Variants in MYO5B observed in about 807,000 individuals in gnomAD.
MYO5B encodes myosin VB, also known as unconventional myosin-Vb.
In MYO5B, 143 loss-of-function variants were observed where a neutral mutation model predicts 229.3. The observed-to-expected ratio is 0.62, with a 90% CI of 0.54 to 0.72. The LOEUF is 0.72. MYO5B is among the 30% of genes least tolerant of loss of function. The pLI, the probability that MYO5B is intolerant of heterozygous loss-of-function variation, is 0.00. For missense variants in MYO5B, 2,321 were observed against 2,331.0 expected, an observed-to-expected ratio of 1.00 and a Z score of 0.09; for synonymous variants, 918 against 885.2, an observed-to-expected ratio of 1.04 and a Z score of -0.66.
In MYO5B at chr18:49,839,226, G is replaced by A; in HGVS notation, c.4770C>T (p.Tyr1590=). Residue 1590 remains tyrosine (Y), a synonymous_variant, in exon 36 of 40, where the codon TAC becomes TAT. Transcript: ENST00000285039. ...HCLKNFDLTE[Y]RQVLSDLSIQ... is the part of the protein sequence containing the mutation. ...TGGAAAGGTCACTCAGCACCTGACG[G>A]TATTCGGTGAGGTCAAAATTCTTAA... The A allele has an allele frequency of 1.9e-6, 3 of 1,614,188 alleles. No homozygotes were observed. Among genetic ancestry groups the A allele is most frequent in the Non-Finnish European group, 2.5e-6 (3 of 1,180,022 alleles).
At position 50,194,522 on chromosome 18, in the gene MYO5B, GC is replaced by G. The variant is rs2033272391; in HGVS notation, c.27+244del. Among the ~76,000 whole-genome samples the G allele has an allele frequency of 2.0e-5, 3 of 152,224 alleles. No homozygotes were observed. The South Asian group carries it at 6.2e-4, about 31-fold the overall frequency. On this transcript the variant is annotated intron_variant, in intron 1 of 39. Transcript: ENST00000285039. ...GGCGACAGCCCTGGCTTGGTGCTGA[GC>G]CGTGGCGCTGCGGAACCTCTAGGAG...
At position 49,974,722 on chromosome 18, in the gene MYO5B, G is replaced by A. The variant is rs965467132; in HGVS notation, c.1057-107C>T. On this transcript the variant is annotated intron_variant, in intron 9 of 39. Coordinates refer to ENST00000285039, the MANE Select transcript of MYO5B (RefSeq NM_001080467.3). ...AGAGGGAAAACAAGCCAAACTCAAGGCCTCCCAGCCCTCCAGAATCCCAGC... is the reference window on the plus strand; with the variant it reads ...AGAGGGAAAACAAGCCAAACTCAAGACCTCCCAGCCCTCCAGAATCCCAGC... 8 of 1,337,102 alleles carry A rather than the reference G, an allele frequency of 6.0e-6. No individual in the cohort carries two copies. In the African/African-American group the frequency reaches 1.2e-4, roughly 19 times the overall value. 82.8% of individuals were successfully genotyped at this position (1,337,102 alleles called of 1,614,324 possible).
intron 1 of MYO5B, among the ~76,000 whole-genome samples, chr18:50,151,252 C>G (rs970515218): frequency 6.6e-6 from 1 of 152,204 alleles, no homozygotes; most frequent in African/African-American, 2.4e-5. Context: ...AGCAGCTAGT[C>G]TGAAATTCCA....
intron 1 of MYO5B, among the ~76,000 whole-genome samples, chr18:50,082,418 G>C (rs1013430549): frequency 6.6e-6 from 1 of 152,236 alleles, no homozygotes; most frequent in Non-Finnish European, 1.5e-5. Context: ...TATGTGAACA[G>C]AGAAAAATTT....
At position 49,964,398 on chromosome 18, in the gene MYO5B, C is replaced by A. The variant is rs117825991; in HGVS notation, c.1323-1368G>T. Among the ~76,000 whole-genome samples, 252 of 152,086 alleles carry A rather than the reference C, an allele frequency of 1.7e-3. 7 individuals are homozygous for A. The East Asian group carries it at 0.04, about 24-fold the overall frequency. On this transcript the variant is annotated intron_variant, in intron 10 of 39. Transcript: ENST00000285039. ...TCTCAACTTCTGTTGATGGGTGATG[C>A]ATTTTTGATAGAGAATTTTTATATC...
intron 4 of MYO5B, among the ~76,000 whole-genome samples, chr18:50,016,018 C>T (rs1251813549): frequency 6.6e-6 from 1 of 152,166 alleles, no homozygotes; most frequent in Non-Finnish European, 1.5e-5. Flanking sequence ...TTTGGTGATA[C>T]ATTTTGCAGA....
At chr18:49,939,151 T>TC (rs1003889056) in intron 14 of MYO5B, among the ~76,000 whole-genome samples, 48 of 146,670 alleles carry the variant, frequency 3.3e-4, no homozygotes, top group South Asian at 8.8e-4. Context: ...TTTTTTTCTT[T>TC]TTTTTTTTTT....
chr18:50,082,023 A>T (rs2031231970), intron 1 of MYO5B, among the ~76,000 whole-genome samples: 1 of 152,250 alleles, frequency 6.6e-6, no homozygotes, highest in African/African-American at 2.4e-5. Context: ...ATGATATATT[A>T]GTATTTATAC....
chr18:50,180,234 C>T (rs1018749456), intron 1 of MYO5B, among the ~76,000 whole-genome samples: 2 of 152,198 alleles, frequency 1.3e-5, no homozygotes, highest in Non-Finnish European at 2.9e-5. Context: ...GCCACTCTGG[C>T]GCCCACCACA....
intron 22 of MYO5B, among the ~76,000 whole-genome samples, chr18:49,884,531 G>A (rs186963355): frequency 7.9e-5 from 12 of 151,986 alleles, no homozygotes; most frequent in East Asian, 3.9e-4. Flanking sequence ...GGAAAGTGTC[G>A]CATGTGCAGT....
At chr18:50,107,044 T>G (rs895248443) in intron 1 of MYO5B, among the ~76,000 whole-genome samples, 1 of 151,014 alleles carries the variant, frequency 6.6e-6, no homozygotes, top group South Asian at 2.1e-4. Context: ...GCCCTGACTC[T>G]GAATCATGGG....
rs574370597 is a variant in MYO5B at position 50,167,615 on chromosome 18, C to A, written c.27+27152G>T. Among the ~76,000 whole-genome samples, 17 of 152,282 alleles carry A rather than the reference C, an allele frequency of 1.1e-4. No homozygotes were observed. In the South Asian group the frequency reaches 3.3e-3, roughly 30 times the overall value. The stretch of plus-strand genomic sequence containing the variant: ...GAAAGGTCATGGACATGCTTTCTCT[C>A]CCAGCTATTTGTCCTCTAACCCAAA... On this transcript the variant is annotated intron_variant, in intron 1 of 39. Transcript: ENST00000285039.
chr18:49,954,022 A>ATGTGTGTG (rs1265216409), intron 13 of MYO5B, among the ~76,000 whole-genome samples: 3 of 129,814 alleles, frequency 2.3e-5, no homozygotes, highest in East Asian at 5.1e-4. Flanking sequence ...GTATGTATTT[A>ATGTGTGTG]TATGTGTGTG....
At position 49,904,529 on chromosome 18, in the gene MYO5B, A is replaced by G; in HGVS notation, c.2571+143T>C. ...CCCTTCCTACCTTGTGGGACTTCAGAAAGGATTTGGTGAGAGCAGAGATGT... is the reference window on the plus strand; with the variant it reads ...CCCTTCCTACCTTGTGGGACTTCAGGAAGGATTTGGTGAGAGCAGAGATGT... On this transcript the variant is annotated intron_variant, in intron 20 of 39. Transcript: ENST00000285039. The G allele has an allele frequency of 2.0e-6, 2 of 1,009,132 alleles. 1 individual carries two copies. The highest frequency in any genetic ancestry group is 2.7e-5 in the South Asian group (2 of 75,192). 62.5% of individuals were successfully genotyped at this position (1,009,132 alleles called of 1,614,324 possible). A position where few individuals can be genotyped will look rare whatever the true frequency, so the allele number is the denominator to read the frequency against.
intron 14 of MYO5B, among the ~76,000 whole-genome samples, chr18:49,943,326 C>T (rs1022145812): frequency 6.6e-6 from 1 of 151,876 alleles, no homozygotes; most frequent in Non-Finnish European, 1.5e-5. Flanking sequence ...TGTAACAAAC[C>T]TGCACGTTGT....
intron 2 of MYO5B, among the ~76,000 whole-genome samples, chr18:50,049,312 A>T (rs1260819116): frequency 6.6e-6 from 1 of 152,238 alleles, no homozygotes; most frequent in Non-Finnish European, 1.5e-5. Context: ...ATAAATCAAC[A>T]GTGATGCAAG....
At chr18:49,947,735 A>G (rs775433310) in intron 14 of MYO5B, among the ~76,000 whole-genome samples, 12 of 152,092 alleles carry the variant, frequency 7.9e-5, no homozygotes, top group African/African-American at 2.9e-4. Context: ...AGACAAACCA[A>G]TATTTTCCTG....
chr18:49,976,708 G>A (rs1002592848), intron 9 of MYO5B, among the ~76,000 whole-genome samples: 5 of 152,162 alleles, frequency 3.3e-5, no homozygotes, highest in Admixed American at 6.5e-5. Context: ...GGTTTGGGCC[G>A]GGTGGGTGTG....
At chr18:49,855,663 G>T (rs1003446919) in intron 30 of MYO5B, among the ~76,000 whole-genome samples, 1 of 152,164 alleles carries the variant, frequency 6.6e-6, no homozygotes, top group Middle Eastern at 3.2e-3. Context: ...ATAATGCCCC[G>T]TGAGGAAGGT....
Sources: gnomAD v4.1 joint callset for allele counts (sites outside exome capture counted in the v4.1 genomes callset) on GRCh38, gnomAD v4.1.1 for gene constraint, MANE v1.5 for transcripts, NCBI Gene and HGNC (gene_info 2026-07-23, HGNC 2026-07-21) for gene names.